Variants in CABLES1 observed in about 807,000 individuals in gnomAD.
CABLES1 encodes CDK5 and ABL1 enzyme substrate 1.
In CABLES1, 36 loss-of-function variants were observed where a neutral mutation model predicts 57.8. That is an observed-to-expected ratio of 0.62 (90% confidence interval 0.48 to 0.82). The LOEUF is 0.82. CABLES1 is among the 40% of genes least tolerant of loss of function. CABLES1 has a pLI of 0.00. For missense variants in CABLES1, 767 were observed against 836.6 expected, an observed-to-expected ratio of 0.92 and a Z score of 1.03; for synonymous variants, 374 against 363.0, an observed-to-expected ratio of 1.03 and a Z score of -0.35.
In CABLES1 at chr18:23,229,260, A is replaced by T. The variant is rs569714917; in HGVS notation, c.1089-5348A>T. 2.0e-5 allele frequency among the ~76,000 whole-genome samples: 3 copies of T among 152,190 alleles called. No individual in the cohort carries two copies. The East Asian group carries it at 5.8e-4, about 29-fold the overall frequency. ...AACCCCATCTCTACTAAAAATACAA[A>T]AATTACCCGGGTGTGGTGGCAGGCG... On this transcript the variant is annotated intron_variant, in intron 4 of 9. Coordinates refer to ENST00000256925, the MANE Select transcript of CABLES1 (RefSeq NM_001100619.3).
chr18:23,188,620 A>C (rs2047219845), intron 1 of CABLES1, among the ~76,000 whole-genome samples: 1 of 151,938 alleles, frequency 6.6e-6, no homozygotes, highest in Admixed American at 6.6e-5. Flanking sequence ...AATCATCACA[A>C]AGAGGCCCTC....
chr18:23,238,791 G>T (rs2047666519), intron 7 of CABLES1, among the ~76,000 whole-genome samples: 1 of 152,212 alleles, frequency 6.6e-6, no homozygotes, highest in African/African-American at 2.4e-5. Context: ...GGAAATGGGG[G>T]ATCCAGGCTA....
Position 23,135,633 on chromosome 18 carries a change from A to G in CABLES1, c.-130A>G, listed in dbSNP as rs2144939886. On this transcript the variant is annotated 5_prime_UTR_variant, in exon 1 of 10. Transcript: ENST00000256925. The stretch of plus-strand genomic sequence containing the variant: ...CATGGCCCGCCCGCGGGGGGGCTGG[A>G]CCGCCGCGCACGCCGCCCGATCCCC... 12 of 761,458 alleles carry G rather than the reference A, an allele frequency of 1.6e-5. No individual in the cohort carries two copies. The highest frequency in any genetic ancestry group is 1.9e-5 in the Non-Finnish European group (12 of 628,418). 47.2% of individuals were successfully genotyped at this position (761,458 alleles called of 1,614,324 possible).
chr18:23,257,353 G>A lies in CABLES1; in HGVS notation c.1888G>A (p.Val630Ile), dbSNP rs1327044292. 5 of 1,608,926 alleles carry A rather than the reference G, an allele frequency of 3.1e-6. No individual in the cohort carries two copies. Among genetic ancestry groups the A allele is most frequent in the African/African-American group, 2.7e-5 (2 of 74,558 alleles). The change falls in exon 10 of 10, where the codon GTC (valine) becomes ATC (isoleucine). Residue 630 changes from valine (V) to isoleucine (I), a missense_variant. By Grantham distance (29) the Val-to-Ile change is conservative. Transcript: ENST00000256925. ...AGTCATGCCCCACTACAGACGGCTG[G>A]TCCAGAGTTCCTAGCACTGGCCCCG... ...HEVMPHYRRL[V>I]QSS
At position 23,257,075 on chromosome 18, in the gene CABLES1, G is replaced by A; in HGVS notation, c.1762-152G>A. On this transcript the variant is annotated intron_variant, in intron 9 of 9. Coordinates refer to ENST00000256925, the MANE Select transcript of CABLES1 (RefSeq NM_001100619.3). ...ACCAGGACCGAAGGCAGGAAGCACA[G>A]CCTGTGCCTCCCTTTCTTCCTCCAC... The A allele has an allele frequency of 3.7e-6, 3 of 819,314 alleles. No homozygotes were observed. The South Asian group carries it at 5.3e-5, about 15-fold the overall frequency. The allele number at this position is 819,314 out of a possible 1,614,324, so 50.8% of individuals were successfully genotyped here.
At chr18:23,230,265 G>A (rs1052321159) in intron 4 of CABLES1, among the ~76,000 whole-genome samples, 7 of 152,266 alleles carry the variant, frequency 4.6e-5, no homozygotes, top group East Asian at 1.9e-4. Context: ...CCAGCTACTC[G>A]GGAGGCTGAG....
At chr18:23,183,670 T>C (rs991928970) in intron 1 of CABLES1, among the ~76,000 whole-genome samples, 2 of 152,214 alleles carry the variant, frequency 1.3e-5, no homozygotes, top group African/African-American at 4.8e-5. Flanking sequence ...CAGTGCATAT[T>C]ACTCTTGCTT....
intron 7 of CABLES1, among the ~76,000 whole-genome samples, chr18:23,241,052 C>T (rs376050852): frequency 6.0e-4 from 91 of 152,338 alleles, no homozygotes; most frequent in African/African-American, 2.0e-3. Context: ...CTTCCCATCC[C>T]CTTCCTGCAA....
rs781259115 is a variant in CABLES1, at chr18:23,253,915, C to T, written c.1740C>T (p.His580=). ...AAKIGSDLKK[H]EVKHLIDKLE... ...AAATTGGAAGTGACCTCAAAAAACA[C>T]GAAGTCAAGCATTTAATTGACGTAA... Residue 580 remains histidine, a synonymous_variant, in exon 9 of 10, where the codon CAC becomes CAT. Coordinates refer to ENST00000256925, the MANE Select transcript of CABLES1 (RefSeq NM_001100619.3). The T allele has an allele frequency of 6.2e-6, 10 of 1,614,122 alleles. No individual in the cohort carries two copies. Among genetic ancestry groups the T allele is most frequent in the African/African-American group, 2.7e-5 (2 of 75,050 alleles).
intron 1 of CABLES1, among the ~76,000 whole-genome samples, chr18:23,157,959 G>A (rs1232312760): frequency 3.3e-5 from 5 of 152,006 alleles, no homozygotes; most frequent in Admixed American, 2.6e-4. Flanking sequence ...AAACATTTCC[G>A]ATCCTTGGTT....
At chr18:23,170,794 GTTGTTTTTGTTT>G (rs899398091) in intron 1 of CABLES1, among the ~76,000 whole-genome samples, 26 of 151,980 alleles carry the variant, frequency 1.7e-4, no homozygotes, top group African/African-American at 5.6e-4. Context: ...TTGTTTTTTT[GTTGTTTTTGTTT>G]TTGTTTTTGA....
intron 1 of CABLES1, among the ~76,000 whole-genome samples, chr18:23,186,029 T>C (rs1466336841): frequency 6.6e-6 from 1 of 152,228 alleles, no homozygotes; most frequent in Non-Finnish European, 1.5e-5. Flanking sequence ...GTATGACTTG[T>C]GCTTCTCAGT....
At chr18:23,205,702 G>A (rs2047358303) in intron 3 of CABLES1, among the ~76,000 whole-genome samples, 2 of 152,274 alleles carry the variant, frequency 1.3e-5, no homozygotes, top group Middle Eastern at 3.4e-3. Flanking sequence ...TATAGAAAGA[G>A]GAAATTGAAG....
At chr18:23,181,874 G>T (rs879725141) in intron 1 of CABLES1, among the ~76,000 whole-genome samples, 18 of 152,206 alleles carry the variant, frequency 1.2e-4, no homozygotes, top group Non-Finnish European at 2.2e-4. Flanking sequence ...TATGCTTGGG[G>T]TTTATTTGGT....
intron 1 of CABLES1, among the ~76,000 whole-genome samples, chr18:23,170,526 T>C (rs1249774084): frequency 6.6e-6 from 1 of 152,200 alleles, no homozygotes; most frequent in Non-Finnish European, 1.5e-5. Flanking sequence ...GGTCCATTTA[T>C]GCCCCTTATG....
chr18:23,224,655 G>A (rs1050209092), intron 4 of CABLES1, among the ~76,000 whole-genome samples: 2 of 132,712 alleles, frequency 1.5e-5, no homozygotes, highest in East Asian at 2.5e-4. Flanking sequence ...TGCAAGCTCC[G>A]CCTCCTGGGT....
At chr18:23,159,122 C>A (rs139834326) in intron 1 of CABLES1, among the ~76,000 whole-genome samples, 1 of 152,234 alleles carries the variant, frequency 6.6e-6, no homozygotes, top group Non-Finnish European at 1.5e-5. Flanking sequence ...CACACCACCA[C>A]GCCCGGTTAA....
chr18:23,135,879 C>G lies in CABLES1; in HGVS notation c.117C>G (p.Pro39=). The G allele has an allele frequency of 9.6e-7, 1 of 1,044,230 alleles. No homozygotes were observed. Among genetic ancestry groups the G allele is most frequent in the Non-Finnish European group, 1.1e-6 (1 of 871,582 alleles). The allele number at this position is 1,044,230 out of a possible 1,614,324, so 64.7% of individuals were successfully genotyped here. ...QQPPPQPQPQ[P]AAAAPAQPPP... ...CGCCGCCGCAGCCCCAGCCTCAGCC[C>G]GCGGCCGCCGCGCCGGCCCAGCCGC... Residue 39 remains proline (P), a synonymous_variant, in exon 1 of 10, where the codon CCC becomes CCG. Transcript: ENST00000256925.
chr18:23,201,325 G>A (rs996437990), intron 3 of CABLES1, among the ~76,000 whole-genome samples: 6 of 152,180 alleles, frequency 3.9e-5, no homozygotes, highest in African/African-American at 1.4e-4. Context: ...CAGAAGGCTG[G>A]TGTCGCCTTT....
Sources: gnomAD v4.1 joint callset for allele counts (sites outside exome capture counted in the v4.1 genomes callset) on GRCh38, gnomAD v4.1.1 for gene constraint, MANE v1.5 for transcripts, NCBI Gene and HGNC (gene_info 2026-07-23, HGNC 2026-07-21) for gene names.